The following UBE2O variants were observed in gnomAD, a reference collection of about 807,000 sequenced individuals.
The protein encoded by UBE2O is (E3-independent) E2 ubiquitin-conjugating enzyme.
Under a neutral mutation model 125.8 loss-of-function variants are expected in UBE2O, and 15 were observed. The observed-to-expected ratio is 0.12, with a 90% CI of 0.08 to 0.18. The LOEUF (loss-of-function observed/expected upper bound fraction) is 0.18, where lower values mean the gene tolerates loss of function less well. Among genes scored for constraint, UBE2O ranks in the 10% least tolerant of loss-of-function variants. The probability of loss-of-function intolerance (pLI) is 1.00; values close to 1 mark genes in which losing one functional copy is unlikely to be tolerated. For synonymous variants in UBE2O, 708 were observed against 703.2 expected (o/e 1.01, Z -0.11); for missense variants, 1,280 against 1,723.6 (o/e 0.74, Z 4.56).
chr17:76,452,676 G>GGCCGCCGACCCCCT lies in UBE2O; in HGVS notation c.417+35_417+48dup. 1 of 1,341,420 alleles carries GGCCGCCGACCCCCT rather than the reference G, an allele frequency of 7.5e-7. No individual in the cohort carries two copies. Among genetic ancestry groups the GGCCGCCGACCCCCT allele is most frequent in the Non-Finnish European group, 9.5e-7 (1 of 1,056,378 alleles). 83.1% of individuals were successfully genotyped at this position (1,341,420 alleles called of 1,614,324 possible). ...CGCCGTCCTTCCCTGGCCTCGGCCC[G>GGCCGCCGACCCCCT]GCCGCCGACCCCCTGCCGCCCGCGC... On this transcript the variant is annotated intron_variant, in intron 1 of 17. Coordinates refer to ENST00000319380, the MANE Select transcript of UBE2O (RefSeq NM_022066.4). This position sits in a 1 kb window ranked among gnomAD's most constrained non-coding sequence, Gnocchi z 4.4.
At chr17:76,437,997 C>CA (rs2073025333) in intron 1 of UBE2O, among the ~76,000 whole-genome samples, 2 of 152,082 alleles carry the variant, frequency 1.3e-5, no homozygotes, top group Admixed American at 6.6e-5. Flanking sequence ...GCAATGTGTT[C>CA]AAAACGGAAT....
At chr17:76,406,846 C>T (rs576164433) in intron 1 of UBE2O, among the ~76,000 whole-genome samples, 37 of 152,018 alleles carry the variant, frequency 2.4e-4, no homozygotes, top group African/African-American at 8.2e-4. Flanking sequence ...ACTGCAGGCA[C>T]GTGCCACCAC....
At chr17:76,429,585 A>G (rs1210988328) in intron 1 of UBE2O, among the ~76,000 whole-genome samples, 1 of 151,842 alleles carries the variant, frequency 6.6e-6, no homozygotes, top group Non-Finnish European at 1.5e-5. Context: ...TTGAGGTGAT[A>G]AAAAGATGAT....
At chr17:76,442,847 C>A (rs1277194031) in intron 1 of UBE2O, among the ~76,000 whole-genome samples, 8 of 151,972 alleles carry the variant, frequency 5.3e-5, no homozygotes. Flanking sequence ...GGCAGGGAGA[C>A]CAGGGAGAAG....
intron 1 of UBE2O, among the ~76,000 whole-genome samples, chr17:76,435,961 G>A (rs185415487): frequency 1.3e-5 from 2 of 152,324 alleles, no homozygotes; most frequent in Non-Finnish European, 2.9e-5. Context: ...TCTCATCATC[G>A]TTAGGCCCCG....
At chr17:76,414,944 A>T (rs1233681224) in intron 1 of UBE2O, among the ~76,000 whole-genome samples, 6 of 152,232 alleles carry the variant, frequency 3.9e-5, no homozygotes, top group Non-Finnish European at 8.8e-5. Flanking sequence ...ACAGATGGGC[A>T]TCTTTAGGAG....
intron 1 of UBE2O, among the ~76,000 whole-genome samples, chr17:76,424,904 C>T (rs1051652375): frequency 6.7e-6 from 1 of 149,716 alleles, no homozygotes; most frequent in Non-Finnish European, 1.5e-5. Flanking sequence ...TCGCCCTCAC[C>T]CTGTCACCCA....
intron 1 of UBE2O, among the ~76,000 whole-genome samples, chr17:76,434,651 T>G (rs953667193): frequency 6.6e-6 from 1 of 152,092 alleles, no homozygotes; most frequent in Non-Finnish European, 1.5e-5. Flanking sequence ...TTGCCTTGGC[T>G]TCTGCAAGGA....
intron 1 of UBE2O, among the ~76,000 whole-genome samples, chr17:76,423,180 G>A (rs1193291733): frequency 1.3e-5 from 2 of 152,140 alleles, no homozygotes; most frequent in Non-Finnish European, 2.9e-5. Context: ...AGGTGAGGGG[G>A]TGGATGTGGG....
rs2072196140 is a variant in UBE2O at position 76,395,766 on chromosome 17, G to A, written c.2905C>T (p.Leu969=). 1 of 1,614,262 alleles carries A rather than the reference G, an allele frequency of 6.2e-7. No homozygotes were observed. The highest frequency in any genetic ancestry group is 8.5e-7 in the Non-Finnish European group (1 of 1,180,052). Residue 969 remains leucine (L), a synonymous_variant, in exon 15 of 18, where the codon CTG becomes TTG. Coordinates refer to ENST00000319380, the MANE Select transcript of UBE2O (RefSeq NM_022066.4). This position sits in a 1 kb window ranked among gnomAD's most constrained non-coding sequence, Gnocchi z 5.0. ...GTCTTGACCATGATGCCCTCAGGCA[G>A]TGAGGTAGCCAGCAGCGCCATCTCC... ...RKEMALLATS[L]PEGIMVKTFE...
rs761513501 is a variant in UBE2O at position 76,395,963 on chromosome 17, G to A, written c.2810-102C>T. On this transcript the variant is annotated intron_variant, in intron 14 of 17. Coordinates refer to ENST00000319380, the MANE Select transcript of UBE2O (RefSeq NM_022066.4). This position sits in a 1 kb window ranked among gnomAD's most constrained non-coding sequence, Gnocchi z 5.0. ...GAGCACACCCACAGACTTCCCACTCGCCGCTGCTGGCCTCAGCACTGTGAC... is the reference window on the plus strand; with the variant it reads ...GAGCACACCCACAGACTTCCCACTCACCGCTGCTGGCCTCAGCACTGTGAC... The A allele has an allele frequency of 2.8e-5, 44 of 1,546,148 alleles. No individual in the cohort carries two copies. The East Asian group carries it at 7.0e-4, about 24-fold the overall frequency.
At position 76,400,371 on chromosome 17, in the gene UBE2O, G is replaced by T. The variant is rs1598587044; in HGVS notation, c.1004+70C>A. The T allele has an allele frequency of 7.5e-6, 12 of 1,593,802 alleles. No individual in the cohort carries two copies. In the Admixed American group the frequency reaches 1.5e-4, roughly 20 times the overall value. ...CAGCAGTGTTCTTAAGCCTCCCCAG[G>T]CATGTGACCAGGGCCCAGAGCCCTG... On this transcript the variant is annotated intron_variant, in intron 7 of 17. Coordinates refer to ENST00000319380, the MANE Select transcript of UBE2O (RefSeq NM_022066.4). The surrounding 1 kb of genome is among the most constrained non-coding windows in gnomAD (Gnocchi z 4.3).
intron 1 of UBE2O, among the ~76,000 whole-genome samples, chr17:76,406,408 C>A (rs1301002332): frequency 6.6e-6 from 1 of 152,086 alleles, no homozygotes; most frequent in African/African-American, 2.4e-5. Flanking sequence ...GACCCCAAAC[C>A]ACATGGCTGG....
At chr17:76,442,268 G>T (rs1030505280) in intron 1 of UBE2O, among the ~76,000 whole-genome samples, 5 of 152,186 alleles carry the variant, frequency 3.3e-5, no homozygotes, top group Admixed American at 6.5e-5. Context: ...CCTAGTATTA[G>T]GATGCCCATA....
At position 76,452,949 on chromosome 17, in the gene UBE2O, G is replaced by T; in HGVS notation, c.193C>A (p.Leu65Met). 1 of 1,497,552 alleles carries T rather than the reference G, an allele frequency of 6.7e-7. No homozygotes were observed. Among genetic ancestry groups the T allele is most frequent in the Non-Finnish European group, 8.9e-7 (1 of 1,123,244 alleles). The allele number at this position is 1,497,552 out of a possible 1,614,324, so 92.8% of individuals were successfully genotyped here. A position where few individuals can be genotyped will look rare whatever the true frequency, so the allele number is the denominator to read the frequency against. The change falls in exon 1 of 18, where the codon CTG (leucine) becomes ATG (methionine). Residue 65 changes from leucine (L) to methionine (M), a missense_variant. Transcript: ENST00000319380. The surrounding 1 kb of genome is among the most constrained non-coding windows in gnomAD (Gnocchi z 4.4). Reference sequence around the variant, plus strand: ...GAGCCACGGTAACGGCCCGACACCAGGTCGTGAGAAAACAGCAGGCGCTGC... The same window carrying T: ...GAGCCACGGTAACGGCCCGACACCATGTCGTGAGAAAACAGCAGGCGCTGC... ...GSQRLLFSHD[L>M]VSGRYRGSVH...
chr17:76,425,537 T>C (rs2072798110), intron 1 of UBE2O, among the ~76,000 whole-genome samples: 1 of 152,206 alleles, frequency 6.6e-6, no homozygotes, highest in Non-Finnish European at 1.5e-5. Context: ...ATTATAGACA[T>C]TATCTATTGA....
chr17:76,413,171 A>G (rs1210191697), intron 1 of UBE2O, among the ~76,000 whole-genome samples: 1 of 152,160 alleles, frequency 6.6e-6, no homozygotes, highest in Non-Finnish European at 1.5e-5. Context: ...AGGTACACAT[A>G]TGGTCTTTAA....
In UBE2O at chr17:76,449,936, T is replaced by TA. The variant is rs1346303490; in HGVS notation, c.417+2788dup. 2.0e-5 allele frequency among the ~76,000 whole-genome samples: 3 copies of TA among 151,724 alleles called. No homozygotes were observed. In the East Asian group the frequency reaches 5.8e-4, roughly 29 times the overall value. On this transcript the variant is annotated intron_variant, in intron 1 of 17. Coordinates refer to ENST00000319380, the MANE Select transcript of UBE2O (RefSeq NM_022066.4). Reference sequence around the variant, plus strand: ...ACTCCGTCTCAAAAACATAAATAAATAAAAAATAAGTTTCTCAAAACCATC... The same window carrying TA: ...ACTCCGTCTCAAAAACATAAATAAATAAAAAAATAAGTTTCTCAAAACCATC...
Position 76,402,631 on chromosome 17 carries a change from C to G in UBE2O, c.657G>C (p.Gln219His). 6.2e-7 allele frequency: 1 copy of G among 1,614,126 alleles called. No homozygotes were observed. The highest frequency in any genetic ancestry group is 1.3e-5 in the African/African-American group (1 of 75,018). The part of the protein sequence containing the change: ...WLGKVYDLKN[Q>H]IILKLSNGAR... The stretch of plus-strand genomic sequence containing the variant: ...CGCCGTTGGATAGCTTCAGGATGAT[C>G]TGGTTCTTCAAGTCGTAGACCTTCC... Residue 219 changes from glutamine (Q) to histidine (H), a missense_variant, in exon 4 of 18, where the codon CAG becomes CAC. Transcript: ENST00000319380. The surrounding 1 kb of genome is among the most constrained non-coding windows in gnomAD (Gnocchi z 5.4).
Sources: gnomAD v4.1 joint callset for allele counts (sites outside exome capture counted in the v4.1 genomes callset) on GRCh38, gnomAD v4.1.1 for gene constraint, Gnocchi (gnomAD v3.1) non-coding constraint, MANE v1.5 for transcripts, NCBI Gene and HGNC (gene_info 2026-07-23, HGNC 2026-07-21) for gene names.